TMEM94: variants seen among roughly 807,000 people sequenced by gnomAD.
TMEM94 encodes the protein transmembrane protein 94.
TMEM94 carries 81 observed loss-of-function variants against 158.6 expected under a neutral mutation model. That is an observed-to-expected ratio of 0.51 (90% confidence interval 0.43 to 0.61). The LOEUF is 0.61. TMEM94 is among the 20% of genes least tolerant of loss of function. TMEM94 has a pLI of 0.00. For missense variants in TMEM94, 1,435 were observed against 1,762.0 expected (o/e 0.81, Z 3.32); for synonymous variants, 751 against 730.7 (o/e 1.03, Z -0.45).
In TMEM94 at chr17:75,489,147, A is replaced by T; in HGVS notation, c.765-119A>T. On this transcript the variant is annotated intron_variant, in intron 7 of 31. Transcript: ENST00000314256. The surrounding 1 kb of genome is among the most constrained non-coding windows in gnomAD (Gnocchi z 5.0). ...GGGCTAGGGCCAGGGCAGAGCGTGG[A>T]ACTGCAGGACTCACGGTGCTTGAAG... 9.7e-7 allele frequency: 1 copy of T among 1,033,022 alleles called. No individual in the cohort carries two copies. Among genetic ancestry groups the T allele is most frequent in the Non-Finnish European group, 1.5e-6 (1 of 684,722 alleles). The allele number at this position is 1,033,022 out of a possible 1,614,324, so 64.0% of individuals were successfully genotyped here.
intron 9 of TMEM94, chr17:75,490,020 A>C: frequency 1.6e-6 from 1 of 618,242 alleles, no homozygotes. Flanking sequence ...TGGAGGTTGC[A>C]GTGAGCCGAG....
At position 75,494,775 on chromosome 17, in the gene TMEM94, C is replaced by G. The variant is rs1203674031; in HGVS notation, c.2556C>G (p.Val852=). The G allele has an allele frequency of 5.6e-6, 9 of 1,613,580 alleles. No individual in the cohort carries two copies. Among genetic ancestry groups the G allele is most frequent in the Middle Eastern group, 1.6e-4 (1 of 6,084 alleles). ...TTGTCAACGCCTGCATCCGCTTTGT[C>G]TACTTCTCTTTGGAGGATGAGCTCA... ...DGLVNACIRF[V]YFSLEDELKS... The change falls in exon 19 of 32, where the codon GTC becomes GTG. Residue 852 remains valine, a synonymous_variant. Transcript: ENST00000314256.
At chr17:75,497,693 G>A (rs915288595) in intron 26 of TMEM94, 88 bp from the exon 27 acceptor site, 40 of 1,066,346 alleles carry the variant, frequency 3.8e-5, no homozygotes, top group Non-Finnish European at 5.5e-5. Flanking sequence ...TCGACCTCAC[G>A]CGCAAGACTC....
chr17:75,460,701 C>T (rs947411259), intron 1 of TMEM94, among the ~76,000 whole-genome samples: 1 of 151,928 alleles, frequency 6.6e-6, no homozygotes, highest in African/African-American at 2.4e-5. Flanking sequence ...TTTACAGAGA[C>T]GGTTCTTGCC....
At position 75,495,183 on chromosome 17, in the gene TMEM94, C is replaced by A; in HGVS notation, c.2729-101C>A. 1 of 1,405,382 alleles carries A rather than the reference C, an allele frequency of 7.1e-7. No individual in the cohort carries two copies. The highest frequency in any genetic ancestry group is 9.7e-7 in the Non-Finnish European group (1 of 1,030,996). 87.1% of individuals were successfully genotyped at this position (1,405,382 alleles called of 1,614,324 possible). On this transcript the variant is annotated intron_variant, in intron 20 of 31. Coordinates refer to ENST00000314256, the MANE Select transcript of TMEM94 (RefSeq NM_014738.6). This position sits in a 1 kb window ranked among gnomAD's most constrained non-coding sequence, Gnocchi z 5.6. ...TGATGTCCCTGCGGGAAACAGTAGT[C>A]AGCAGGAAGGAGTGGACACAGGCAA...
intron 1 of TMEM94, among the ~76,000 whole-genome samples, chr17:75,465,679 A>ATATATATATATATATATTTT (rs1247855961): frequency 4.0e-5 from 5 of 124,824 alleles, no homozygotes; most frequent in African/African-American, 1.4e-4. Context: ...ATATATATAT[A>ATATATATATATATATATTTT]TTTTTTTTTA....
At position 75,490,752 on chromosome 17, in the gene TMEM94, C is replaced by T; in HGVS notation, c.1122C>T (p.Ser374=). 6.2e-7 allele frequency: 1 copy of T among 1,613,796 alleles called. No homozygotes were observed. Residue 374 remains serine (S), a synonymous_variant, in exon 11 of 32, where the codon TCC becomes TCT. Coordinates refer to ENST00000314256, the MANE Select transcript of TMEM94 (RefSeq NM_014738.6). ...TCAGCAGCTATACGGAGGCTGTCTC[C>T]TCTCAGGTACAACACTGACCCGGGA... ...DTLSSYTEAV[S]SQEMLRCIWG...
chr17:75,497,687 C>T lies in TMEM94; in HGVS notation c.3408-94C>T, dbSNP rs2052854701. On this transcript the variant is annotated intron_variant, in intron 26 of 31. Coordinates refer to ENST00000314256, the MANE Select transcript of TMEM94 (RefSeq NM_014738.6). ...TATTCCATCCCCTCACCAGACTCGA[C>T]CTCACGCGCAAGACTCCCTAGAGGT... 7 of 969,580 alleles carry T rather than the reference C, an allele frequency of 7.2e-6. No homozygotes were observed. In the South Asian group the frequency reaches 8.3e-5, roughly 11 times the overall value. 60.1% of individuals were successfully genotyped at this position (969,580 alleles called of 1,614,324 possible). A position where few individuals can be genotyped will look rare whatever the true frequency, so the allele number is the denominator to read the frequency against.
chr17:75,468,916 G>A (rs946563251), intron 1 of TMEM94, among the ~76,000 whole-genome samples: 1 of 152,194 alleles, frequency 6.6e-6, no homozygotes, highest in Non-Finnish European at 1.5e-5. Context: ...TTCTCCAAGA[G>A]GAGTCGCTTG....
chr17:75,481,444 C>T (rs1459872870), intron 2 of TMEM94, among the ~76,000 whole-genome samples: 2 of 152,218 alleles, frequency 1.3e-5, no homozygotes, highest in African/African-American at 4.8e-5. Flanking sequence ...CAGGCCCCGT[C>T]CCTCAGGCCA....
chr17:75,462,739 C>T (rs932720562), intron 1 of TMEM94, among the ~76,000 whole-genome samples: 11 of 148,480 alleles, frequency 7.4e-5, no homozygotes, highest in African/African-American at 2.5e-4. Flanking sequence ...TCTGTAATTC[C>T]GGCACTTTGG....
intron 1 of TMEM94, among the ~76,000 whole-genome samples, chr17:75,467,690 G>T (rs906291890): frequency 6.6e-6 from 1 of 150,720 alleles, no homozygotes; most frequent in African/African-American, 2.4e-5. Context: ...CCGCCACCGC[G>T]CCCGGCTAAT....
Position 75,495,439 on chromosome 17 carries a change from TC to T in TMEM94, c.2844+43del. The T allele has an allele frequency of 2.5e-6, 4 of 1,593,618 alleles. No homozygotes were observed. The highest frequency in any genetic ancestry group is 2.2e-5 in the South Asian group (2 of 90,574). ...TCTGTCTCACGTGTTCCTGTAGTGG[TC>T]CCATAGCTGGTCCAGGGGAGAGGTA... On this transcript the variant is annotated intron_variant, in intron 21 of 31. Coordinates refer to ENST00000314256, the MANE Select transcript of TMEM94 (RefSeq NM_014738.6). This position sits in a 1 kb window ranked among gnomAD's most constrained non-coding sequence, Gnocchi z 5.6.
intron 26 of TMEM94, 60 bp downstream of exon 26, chr17:75,497,258 CTG>C: frequency 7.1e-7 from 1 of 1,417,532 alleles, no homozygotes. Context: ...CTGGATGTCA[CTG>C]TGCAGCCCCA....
chr17:75,463,008 TAAAAAA>T (rs1217028321), intron 1 of TMEM94, among the ~76,000 whole-genome samples: 25 of 5,682 alleles, frequency 4.4e-3, no homozygotes, highest in Admixed American at 0.029. Flanking sequence ...ATAAAAAAAG[TAAAAAA>T]AAAAAAAAAA....
chr17:75,469,484 A>G (rs2050420987), intron 1 of TMEM94, among the ~76,000 whole-genome samples: 1 of 151,138 alleles, frequency 6.6e-6, no homozygotes, highest in Non-Finnish European at 1.5e-5. Context: ...AGCTGGGATT[A>G]CAGGCGCCCA....
chr17:75,497,923 G>C (rs1021956879), intron 27 of TMEM94, 61 bp downstream of exon 27: 41 of 1,479,754 alleles, frequency 2.8e-5, no homozygotes, highest in African/African-American at 5.5e-5. Flanking sequence ...AGGATTGGGG[G>C]AGGAGAGAGG....
chr17:75,495,224 G>T lies in TMEM94; in HGVS notation c.2729-60G>T. 1 of 1,453,674 alleles carries T rather than the reference G, an allele frequency of 6.9e-7. No homozygotes were observed. Among genetic ancestry groups the T allele is most frequent in the Non-Finnish European group, 9.4e-7 (1 of 1,062,410 alleles). The allele number at this position is 1,453,674 out of a possible 1,614,324, so 90.0% of individuals were successfully genotyped here. ...ACACAGGCAAAAAATTCTCTGCAGG[G>T]CAAGGACAGGTTCCCAGAAGGCTGG... On this transcript the variant is annotated intron_variant, in intron 20 of 31. Transcript: ENST00000314256. This position sits in a 1 kb window ranked among gnomAD's most constrained non-coding sequence, Gnocchi z 5.6.
In TMEM94 at chr17:75,491,483, A is replaced by G. The variant is rs769586317; in HGVS notation, c.1386+28A>G. 5 of 1,613,746 alleles carry G rather than the reference A, an allele frequency of 3.1e-6. No homozygotes were observed. The highest frequency in any genetic ancestry group is 2.2e-5 in the South Asian group (2 of 91,054). ...AGAGGAGGAGGTACGGCCGGCTCCCATGGGCCCGACTCTGGGCCAGGCTGT... is the reference window on the plus strand; with the variant it reads ...AGAGGAGGAGGTACGGCCGGCTCCCGTGGGCCCGACTCTGGGCCAGGCTGT... On this transcript the variant is annotated intron_variant, in intron 13 of 31. Coordinates refer to ENST00000314256, the MANE Select transcript of TMEM94 (RefSeq NM_014738.6). The surrounding 1 kb of genome is among the most constrained non-coding windows in gnomAD (Gnocchi z 5.1).
Sources: gnomAD v4.1 joint callset for allele counts (sites outside exome capture counted in the v4.1 genomes callset) on GRCh38, gnomAD v4.1.1 for gene constraint, Gnocchi (gnomAD v3.1) non-coding constraint, MANE v1.5 for transcripts, NCBI Gene and HGNC (gene_info 2026-07-23, HGNC 2026-07-21) for gene names.